PTPRD: variants seen among roughly 807,000 people sequenced by gnomAD.
PTPRD encodes protein tyrosine phosphatase receptor type D.
PTPRD carries 34 observed loss-of-function variants against 214.5 expected under a neutral mutation model. The ratio of observed to expected loss-of-function variants is 0.16; its 90% CI spans 0.12 to 0.21. PTPRD has a LOEUF of 0.21. Among genes scored for constraint, PTPRD ranks in the 10% least tolerant of loss-of-function variants. PTPRD has a pLI of 1.00. For synonymous variants in PTPRD, 1,128 were observed against 845.7 expected (o/e 1.33, Z -5.79); for missense variants, 2,545 against 2,398.7 (o/e 1.06, Z -1.27).
intron 10 of PTPRD, among the ~76,000 whole-genome samples, chr9:9,127,701 G>T (rs578169818): frequency 6.6e-6 from 1 of 152,286 alleles, no homozygotes; most frequent in East Asian, 1.9e-4. Flanking sequence ...GTCAAGACGG[G>T]AGGTGTAAAT....
intron 8 of PTPRD, chr9:9,442,470 G>C (rs548316316): frequency 6.6e-6 from 1 of 152,254 alleles, no homozygotes; most frequent in African/African-American, 2.4e-5. Flanking sequence ...ATTAGTTTCT[G>C]TGTTACAGCT....
chr9:8,562,847 CTTT>C (rs200639197), intron 14 of PTPRD, among the ~76,000 whole-genome samples: 6 of 122,970 alleles, frequency 4.9e-5, no homozygotes, highest in South Asian at 5.4e-4. Flanking sequence ...CAAAGATTTT[CTTT>C]TTTTTTTTTT....
chr9:8,746,458 T>C (rs1197732265), intron 11 of PTPRD, among the ~76,000 whole-genome samples: 4 of 152,304 alleles, frequency 2.6e-5, no homozygotes, highest in South Asian at 4.1e-4. Flanking sequence ...TTAGAAAATA[T>C]ATTTGAGACC....
intron 3 of PTPRD, among the ~76,000 whole-genome samples, chr9:10,246,770 C>T (rs954970739): frequency 5.9e-5 from 9 of 151,384 alleles, no homozygotes; most frequent in African/African-American, 2.2e-4. Context: ...TAGTTGCATA[C>T]CTGTATTTAA....
chr9:10,460,378 A>C (rs1485719544), intron 2 of PTPRD, among the ~76,000 whole-genome samples: 3 of 152,054 alleles, frequency 2.0e-5, no homozygotes, highest in Non-Finnish European at 2.9e-5. Flanking sequence ...AGATAAAAAA[A>C]CCCTAAAATT....
At chr9:9,511,506 C>G (rs1171995729) in intron 8 of PTPRD, among the ~76,000 whole-genome samples, 1 of 151,496 alleles carries the variant, frequency 6.6e-6, no homozygotes, top group African/African-American at 2.4e-5. Flanking sequence ...ACTGAAAAAA[C>G]AAAAATCTTG....
intron 6 of PTPRD, among the ~76,000 whole-genome samples, chr9:9,765,602 C>G (rs189157695): frequency 1.3e-5 from 2 of 152,296 alleles, no homozygotes; most frequent in African/African-American, 4.8e-5. Context: ...AATATATCTA[C>G]AAAAATGATA....
chr9:8,656,359 G>T (rs1460867131), intron 12 of PTPRD, among the ~76,000 whole-genome samples: 1 of 152,126 alleles, frequency 6.6e-6, no homozygotes, highest in East Asian at 1.9e-4. Context: ...TCCACTTTCA[G>T]AGCCATCTCA....
chr9:8,731,140 G>T (rs2098653780), intron 12 of PTPRD, among the ~76,000 whole-genome samples: 1 of 152,264 alleles, frequency 6.6e-6, no homozygotes, highest in African/African-American at 2.4e-5. Context: ...CCAGTACTTT[G>T]CTATGACATT....
intron 4 of PTPRD, among the ~76,000 whole-genome samples, chr9:9,947,807 A>C (rs1373583565): frequency 6.7e-6 from 1 of 149,064 alleles, no homozygotes; most frequent in Non-Finnish European, 1.5e-5. Flanking sequence ...AAATCCATAA[A>C]GAGATTCAAG....
At chr9:8,610,394 A>C (rs1372028068) in intron 14 of PTPRD, among the ~76,000 whole-genome samples, 2 of 152,212 alleles carry the variant, frequency 1.3e-5, no homozygotes, top group Non-Finnish European at 2.9e-5. Context: ...GTTTTTGTTC[A>C]ACATTACATT....
At chr9:8,507,921 C>T (rs2097574962) in intron 21 of PTPRD, among the ~76,000 whole-genome samples, 1 of 152,094 alleles carries the variant, frequency 6.6e-6, no homozygotes, top group African/African-American at 2.4e-5. Flanking sequence ...AATAACAAAA[C>T]CTAACAGGCA....
chr9:10,161,683 T>C lies in PTPRD; in HGVS notation c.-544-127893A>G, dbSNP rs567064604. ...CACAAAAGCAAGGCATTGCAAGCCA[T>C]AATAGCTGAATGGGATTATATCAAG... is the stretch of plus-strand genomic sequence containing the variant. On this transcript the variant is annotated intron_variant, in intron 3 of 45. Coordinates refer to ENST00000381196, the MANE Select transcript of PTPRD (RefSeq NM_002839.4). 5.9e-5 allele frequency among the ~76,000 whole-genome samples: 9 copies of C among 151,784 alleles called. No individual in the cohort carries two copies. The East Asian group carries it at 1.7e-3, about 29-fold the overall frequency.
chr9:9,735,034 T>C (rs1415154900), intron 6 of PTPRD, among the ~76,000 whole-genome samples: 2 of 152,106 alleles, frequency 1.3e-5, no homozygotes, highest in Non-Finnish European at 2.9e-5. Context: ...GATTTATTTT[T>C]GAAAAGTAAA....
chr9:10,162,426 A>C (rs1382739433), intron 3 of PTPRD, among the ~76,000 whole-genome samples: 1 of 151,146 alleles, frequency 6.6e-6, no homozygotes, highest in Non-Finnish European at 1.5e-5. Context: ...CATTATATTA[A>C]GTGAGATAAG....
intron 8 of PTPRD, among the ~76,000 whole-genome samples, chr9:9,402,588 T>A (rs2071109500): frequency 6.6e-6 from 1 of 152,026 alleles, no homozygotes; most frequent in Admixed American, 6.6e-5. Flanking sequence ...CATGAGGAAA[T>A]CTTGAGTGAA....
intron 10 of PTPRD, among the ~76,000 whole-genome samples, chr9:9,038,129 A>G (rs1440240009): frequency 1.3e-5 from 2 of 152,138 alleles, no homozygotes; most frequent in East Asian, 3.9e-4. Context: ...TGGATTCAAA[A>G]TCCTCTAGGA....
chr9:8,512,790 C>T (rs1160384718), intron 21 of PTPRD, among the ~76,000 whole-genome samples: 2 of 151,836 alleles, frequency 1.3e-5, no homozygotes, highest in African/African-American at 2.4e-5. Context: ...AAATACAGTT[C>T]AGAAAAAAGA....
At chr9:8,474,438 C>G (rs2096722889) in intron 30 of PTPRD, among the ~76,000 whole-genome samples, 1 of 152,164 alleles carries the variant, frequency 6.6e-6, no homozygotes, top group Non-Finnish European at 1.5e-5. Context: ...CAAAGCCCGT[C>G]TCCTCCACTC....
Sources: allele counts gnomAD v4.1 joint callset (sites outside exome capture counted in the v4.1 genomes callset), GRCh38; gene constraint gnomAD v4.1.1; transcripts MANE v1.5; gene names NCBI Gene and HGNC (gene_info 2026-07-23, HGNC 2026-07-21).